ANKS1B: variants seen among roughly 807,000 people sequenced by gnomAD.
ANKS1B encodes ankyrin repeat and sterile alpha motif domain-containing protein 1B.
ANKS1B carries 36 observed loss-of-function variants against 148.3 expected under a neutral mutation model. That is an observed-to-expected ratio of 0.24 (90% CI 0.19 to 0.32). The LOEUF is 0.32. ANKS1B is among the 10% of genes least tolerant of loss of function. The pLI, the probability that ANKS1B is intolerant of heterozygous loss-of-function variation, is 1.00. For synonymous variants in ANKS1B, 542 were observed against 560.8 expected (o/e 0.97, Z 0.47); for missense variants, 1,157 against 1,542.6 (o/e 0.75, Z 4.19).
intron 16 of ANKS1B, among the ~76,000 whole-genome samples, chr12:99,072,736 C>T (rs983639886): frequency 1.3e-5 from 2 of 152,186 alleles, no homozygotes; most frequent in Non-Finnish European, 2.9e-5. Context: ...AGATTCCCAT[C>T]ATTTTCTGTC....
chr12:99,030,178 A>G lies in ANKS1B; in HGVS notation c.2778+22979T>C, dbSNP rs189529056. Among the ~76,000 whole-genome samples, 5 of 152,320 alleles carry G rather than the reference A, an allele frequency of 3.3e-5. No individual in the cohort carries two copies. The East Asian group carries it at 9.6e-4, about 29-fold the overall frequency. Reference sequence around the variant, plus strand: ...CACGTCAAAGAGCACCACCACATCAACTGCATGGCTGCAGTCCCTGTGCAG... The same window carrying G: ...CACGTCAAAGAGCACCACCACATCAGCTGCATGGCTGCAGTCCCTGTGCAG... On this transcript the variant is annotated intron_variant, in intron 17 of 26. Transcript: ENST00000683438.
At chr12:99,289,806 C>CTT (rs2079663203) in intron 12 of ANKS1B, among the ~76,000 whole-genome samples, 1 of 151,774 alleles carries the variant, frequency 6.6e-6, no homozygotes, top group African/African-American at 2.4e-5. Context: ...TAAGTTCCTA[C>CTT]ATCAAAAAAG....
intron 12 of ANKS1B, among the ~76,000 whole-genome samples, chr12:99,249,544 G>A (rs927083706): frequency 1.3e-5 from 2 of 152,166 alleles, no homozygotes; most frequent in Non-Finnish European, 2.9e-5. Context: ...GCCAAGAGTG[G>A]TGAAAAGACA....
chr12:99,657,526 C>A (rs920062800), intron 8 of ANKS1B, among the ~76,000 whole-genome samples: 3 of 151,988 alleles, frequency 2.0e-5, no homozygotes, highest in African/African-American at 7.2e-5. Flanking sequence ...CCCATGCTTT[C>A]ATAAATACAC....
intron 9 of ANKS1B, among the ~76,000 whole-genome samples, chr12:99,513,359 T>C (rs911915151): frequency 6.6e-6 from 1 of 152,066 alleles, no homozygotes; most frequent in South Asian, 2.1e-4. Flanking sequence ...TGTATTGTGG[T>C]GGTTGAAACC....
intron 9 of ANKS1B, among the ~76,000 whole-genome samples, chr12:99,548,539 T>G: frequency 6.6e-6 from 1 of 152,212 alleles, no homozygotes; most frequent in East Asian, 1.9e-4. Flanking sequence ...GTAATGTTAT[T>G]ATTAATAATA....
intron 12 of ANKS1B, among the ~76,000 whole-genome samples, chr12:99,363,099 A>G (rs567476074): frequency 4.7e-4 from 71 of 152,178 alleles, no homozygotes; most frequent in African/African-American, 1.6e-3. Context: ...TCATTACCTC[A>G]TTATGGTTAA....
chr12:99,814,374 CAAT>C (rs889998222), intron 2 of ANKS1B, among the ~76,000 whole-genome samples: 4 of 151,470 alleles, frequency 2.6e-5, no homozygotes, highest in African/African-American at 9.7e-5. Flanking sequence ...AGCACTATAC[CAAT>C]AATAGCACTT....
chr12:99,637,878 AAG>A (rs1341233203), intron 9 of ANKS1B, among the ~76,000 whole-genome samples: 1 of 150,858 alleles, frequency 6.6e-6, no homozygotes, highest in Non-Finnish European at 1.5e-5. Flanking sequence ...GAGAGAAAAA[AAG>A]AGAGAGAGAT....
chr12:98,876,579 A>C (rs192715772), intron 17 of ANKS1B, among the ~76,000 whole-genome samples: 2 of 152,306 alleles, frequency 1.3e-5, no homozygotes, highest in African/African-American at 4.8e-5. Flanking sequence ...TCAAGGACTC[A>C]AATTATGTGT....
chr12:99,371,300 T>G (rs1209651337), intron 12 of ANKS1B, among the ~76,000 whole-genome samples: 1 of 152,130 alleles, frequency 6.6e-6, no homozygotes. Context: ...TCTCTACACA[T>G]GCCGCACCAG....
chr12:99,581,776 A>G (rs891438094), intron 9 of ANKS1B, among the ~76,000 whole-genome samples: 1 of 151,820 alleles, frequency 6.6e-6, no homozygotes, highest in African/African-American at 2.4e-5. Context: ...CTGTAGTCCC[A>G]GCTACTCGGG....
intron 9 of ANKS1B, among the ~76,000 whole-genome samples, chr12:99,609,034 A>C (rs1345842357): frequency 6.6e-6 from 1 of 152,042 alleles, no homozygotes; most frequent in Non-Finnish European, 1.5e-5. Context: ...CATTGTCCTC[A>C]ACAAAAATCA....
chr12:99,487,398 T>A (rs1032325541), intron 10 of ANKS1B, among the ~76,000 whole-genome samples: 1 of 152,222 alleles, frequency 6.6e-6, no homozygotes, highest in African/African-American at 2.4e-5. Context: ...ACCATCATCA[T>A]GACATAGACA....
At chr12:99,076,604 T>C (rs1234680046) in intron 16 of ANKS1B, among the ~76,000 whole-genome samples, 2 of 152,152 alleles carry the variant, frequency 1.3e-5, no homozygotes, top group African/African-American at 4.8e-5. Context: ...ATATAGCCAA[T>C]GTCATCCCTG....
In ANKS1B at chr12:99,351,104, T is replaced by C. The variant is rs1390262107; in HGVS notation, c.1756+48527A>G. Among the ~76,000 whole-genome samples the C allele has an allele frequency of 2.6e-5, 4 of 152,254 alleles. No individual in the cohort carries two copies. The East Asian group carries it at 7.7e-4, about 29-fold the overall frequency. ...GAATGTAAGTATTTTGGAAAAAATC[T>C]TGGTATTTTCCACCTTGTGAGTCTG... is the stretch of plus-strand genomic sequence containing the variant. On this transcript the variant is annotated intron_variant, in intron 12 of 26. Coordinates refer to ENST00000683438, the MANE Select transcript of ANKS1B (RefSeq NM_001352186.2).
In ANKS1B at chr12:98,745,282, T is replaced by C. The variant is rs2097855050; in HGVS notation, c.*457A>G. ...ATGATAGAATGATTTTACAGATGCT[T>C]TGGAGGTGGGAGGGGTAGTGCTGCT... On this transcript the variant is annotated 3_prime_UTR_variant, in exon 27 of 27. Coordinates refer to ENST00000683438, the MANE Select transcript of ANKS1B (RefSeq NM_001352186.2). 1.0e-6 allele frequency: 1 copy of C among 985,504 alleles called. No individual in the cohort carries two copies. The highest frequency in any genetic ancestry group is 1.8e-5 in the African/African-American group (1 of 57,086). The allele number at this position is 985,504 out of a possible 1,614,324, so 61.0% of individuals were successfully genotyped here.
intron 9 of ANKS1B, among the ~76,000 whole-genome samples, chr12:99,575,606 C>T (rs999570566): frequency 3.3e-5 from 5 of 151,914 alleles, no homozygotes; most frequent in Non-Finnish European, 5.9e-5. Flanking sequence ...AAGGGGAAAC[C>T]CCTTATCAAA....
intron 1 of ANKS1B, among the ~76,000 whole-genome samples, chr12:99,969,019 T>C (rs1739922894): frequency 6.6e-6 from 1 of 152,166 alleles, no homozygotes; most frequent in Non-Finnish European, 1.5e-5. Context: ...CTTTATAAAT[T>C]ATCCAGCCTC....
Sources: gnomAD v4.1 joint callset for allele counts (sites outside exome capture counted in the v4.1 genomes callset) on GRCh38, gnomAD v4.1.1 for gene constraint, MANE v1.5 for transcripts, NCBI Gene and HGNC (gene_info 2026-07-23, HGNC 2026-07-21) for gene names.